RASAL2: variants seen among roughly 807,000 people sequenced by gnomAD.
The protein encoded by RASAL2 is RAS protein activator like 2.
Under a neutral mutation model 128.9 loss-of-function variants are expected in RASAL2, and 58 were observed. The ratio of observed to expected loss-of-function variants is 0.45; its 90% confidence interval spans 0.36 to 0.56. RASAL2 has a LOEUF of 0.56. RASAL2 is among the 20% of genes least tolerant of loss of function. The probability of loss-of-function intolerance (pLI) is 0.00; values close to 1 mark genes in which losing one functional copy is unlikely to be tolerated. For synonymous variants in RASAL2, 561 were observed against 580.8 expected, an observed-to-expected ratio of 0.97 and a Z score of 0.49; for missense variants, 1,360 against 1,601.6, an observed-to-expected ratio of 0.85 and a Z score of 2.57.
At chr1:178,145,557 A>AG (rs1660705074) in intron 1 of RASAL2, among the ~76,000 whole-genome samples, 1 of 151,200 alleles carries the variant, frequency 6.6e-6, no homozygotes, top group African/African-American at 2.4e-5. Context: ...ACTTTGACAA[A>AG]AAAAAAAAAA....
intron 1 of RASAL2, among the ~76,000 whole-genome samples, chr1:178,188,124 G>A (rs1662369255): frequency 6.6e-6 from 1 of 152,104 alleles, no homozygotes; most frequent in Non-Finnish European, 1.5e-5. Context: ...CTTCAGTCAT[G>A]AAGTTTAATC....
intron 3 of RASAL2, among the ~76,000 whole-genome samples, chr1:178,323,328 T>A (rs1469924754): frequency 6.6e-6 from 1 of 152,204 alleles, no homozygotes; most frequent in Non-Finnish European, 1.5e-5. Context: ...ATGACTGATA[T>A]GAGACATACT....
intron 5 of RASAL2, among the ~76,000 whole-genome samples, chr1:178,429,770 T>C (rs1245721988): frequency 6.6e-6 from 1 of 152,134 alleles, no homozygotes; most frequent in Non-Finnish European, 1.5e-5. Flanking sequence ...GTTTCATATT[T>C]CTCTGCTTTT....
In RASAL2 at chr1:178,248,477, G is replaced by A. The variant is rs116835197; in HGVS notation, c.203-35087G>A. Among the ~76,000 whole-genome samples the A allele has an allele frequency of 8.4e-3, 1,271 of 152,084 alleles. 11 individuals carry two copies. Among genetic ancestry groups the A allele is most frequent in the Non-Finnish European group, 0.011 (721 of 68,002 alleles). ...ATAGGTCTCCTGAATACAGCATATC[G>A]ATGGGTCTTGACCCTTTATCTAGTT... On this transcript the variant is annotated intron_variant, in intron 1 of 17. Coordinates refer to ENST00000367649, the MANE Select transcript of RASAL2 (RefSeq NM_170692.4).
chr1:178,450,625 G>C (rs1677309106), intron 9 of RASAL2, among the ~76,000 whole-genome samples: 1 of 152,146 alleles, frequency 6.6e-6, no homozygotes, highest in Non-Finnish European at 1.5e-5. Context: ...CATGAAGTCT[G>C]TTATAACTAG....
chr1:178,459,535 A>T lies in RASAL2; in HGVS notation c.3252+991A>T, dbSNP rs1037021081. Among the ~76,000 whole-genome samples, 5 of 152,316 alleles carry T rather than the reference A, an allele frequency of 3.3e-5. No individual in the cohort carries two copies. In the East Asian group the frequency reaches 9.6e-4, roughly 29 times the overall value. ...AATAACTGGGCAGGGAGACTGCAAT[A>T]AAATCCTAGTTTGTATCTGTTATAT... On this transcript the variant is annotated intron_variant, in intron 14 of 17. Transcript: ENST00000367649.
chr1:178,119,817 G>A (rs577828085), intron 1 of RASAL2, among the ~76,000 whole-genome samples: 1 of 152,274 alleles, frequency 6.6e-6, no homozygotes, highest in South Asian at 2.1e-4. Flanking sequence ...TAACGATTGT[G>A]CCTCAGGATC....
chr1:178,107,153 AC>A (rs745364845), intron 1 of RASAL2, among the ~76,000 whole-genome samples: 2 of 151,918 alleles, frequency 1.3e-5, no homozygotes, highest in African/African-American at 4.8e-5. Flanking sequence ...AAAGTTAGTG[AC>A]TCCTAACGAT....
At chr1:178,170,823 C>G (rs770596929) in intron 1 of RASAL2, among the ~76,000 whole-genome samples, 1 of 151,726 alleles carries the variant, frequency 6.6e-6, no homozygotes, top group South Asian at 2.1e-4. Flanking sequence ...TACATACCAG[C>G]CCAGGTGCTT....
intron 1 of RASAL2, among the ~76,000 whole-genome samples, chr1:178,099,699 G>A (rs556851503): frequency 2.0e-5 from 3 of 152,138 alleles, no homozygotes; most frequent in Non-Finnish European, 4.4e-5. Context: ...GGTGGCTCAC[G>A]CCTGTAATCC....
At chr1:178,328,234 T>C (rs1181025361) in intron 3 of RASAL2, among the ~76,000 whole-genome samples, 2 of 151,860 alleles carry the variant, frequency 1.3e-5, no homozygotes, top group African/African-American at 4.9e-5. Context: ...ATTGTGAGTC[T>C]CTTATTCCTA....
At chr1:178,170,564 TC>T in intron 1 of RASAL2, among the ~76,000 whole-genome samples, 1 of 151,828 alleles carries the variant, frequency 6.6e-6, no homozygotes, top group South Asian at 2.1e-4. Flanking sequence ...AGCATATTTT[TC>T]AAGAGGAATT....
At chr1:178,162,537 TTATA>T (rs1200502796) in intron 1 of RASAL2, among the ~76,000 whole-genome samples, 2 of 116,648 alleles carry the variant, frequency 1.7e-5, no homozygotes, top group African/African-American at 6.2e-5. Context: ...TAATATATCT[TTATA>T]TAAAATATAT....
At chr1:178,363,580 G>A (rs1671238029) in intron 3 of RASAL2, among the ~76,000 whole-genome samples, 1 of 152,138 alleles carries the variant, frequency 6.6e-6, no homozygotes, top group Non-Finnish European at 1.5e-5. Flanking sequence ...TGGTAAATTT[G>A]TCGAAGCATT....
At chr1:178,347,128 A>G (rs1670193125) in intron 3 of RASAL2, among the ~76,000 whole-genome samples, 2 of 152,230 alleles carry the variant, frequency 1.3e-5, no homozygotes, top group South Asian at 2.1e-4. Flanking sequence ...CTGTGAACAA[A>G]TTGCAAAATG....
intron 4 of RASAL2, among the ~76,000 whole-genome samples, chr1:178,404,941 C>T (rs928668163): frequency 6.6e-6 from 1 of 152,014 alleles, no homozygotes; most frequent in Non-Finnish European, 1.5e-5. Context: ...CTCGGCCTCT[C>T]GAAGCGCTGG....
intron 5 of RASAL2, among the ~76,000 whole-genome samples, chr1:178,428,214 A>G (rs1675652165): frequency 1.3e-5 from 2 of 152,190 alleles, no homozygotes; most frequent in South Asian, 2.1e-4. Flanking sequence ...AGTTTTTGCT[A>G]TCATTAATAT....
chr1:178,159,522 C>T (rs1013576726), intron 1 of RASAL2, among the ~76,000 whole-genome samples: 11 of 152,164 alleles, frequency 7.2e-5, no homozygotes, highest in Non-Finnish European at 1.5e-4. Flanking sequence ...TGTTTGAAAA[C>T]AAACTGATTT....
chr1:178,125,424 A>G (rs1057455484), intron 1 of RASAL2: 1 of 152,138 alleles, frequency 6.6e-6, no homozygotes, highest in Admixed American at 6.6e-5. Flanking sequence ...AGGCTGGGTA[A>G]TTTATAAAGA....
Sources: allele counts gnomAD v4.1 joint callset (sites outside exome capture counted in the v4.1 genomes callset), GRCh38; gene constraint gnomAD v4.1.1; transcripts MANE v1.5; gene names NCBI Gene and HGNC (gene_info 2026-07-23, HGNC 2026-07-21).